Variants in ASIP observed in about 807,000 individuals in gnomAD.
ASIP encodes the protein agouti-signaling protein.
A neutral mutation model predicts 10.3 loss-of-function variants in ASIP; 11 were observed. That is an observed-to-expected ratio of 1.07 (90% CI 0.68 to 1.78). ASIP has a LOEUF of 1.78. Among genes scored for constraint, ASIP ranks in the 40% most tolerant of loss-of-function variants. The probability of loss-of-function intolerance (pLI) is 0.00; values close to 1 mark genes in which losing one functional copy is unlikely to be tolerated. For missense variants in ASIP, 180 were observed against 169.2 expected (o/e 1.06, Z -0.35); for synonymous variants, 70 against 70.8 (o/e 0.99, Z 0.06).
intron 1 of ASIP, among the ~76,000 whole-genome samples, chr20:34,242,324 C>T (rs1211527352): frequency 6.6e-6 from 1 of 152,164 alleles, no homozygotes; most frequent in Non-Finnish European, 1.5e-5. Flanking sequence ...CCTCTGCCTC[C>T]TGAGTTCAAA....
At chr20:34,204,307 G>A (rs1055581793) in intron 1 of ASIP, among the ~76,000 whole-genome samples, 9 of 150,590 alleles carry the variant, frequency 6.0e-5, no homozygotes, top group South Asian at 2.1e-4. Context: ...CGCAACCTCC[G>A]CCTCGTGGGT....
intron 1 of ASIP, among the ~76,000 whole-genome samples, chr20:34,225,856 T>A (rs1363922702): frequency 6.6e-6 from 1 of 152,160 alleles, no homozygotes; most frequent in Non-Finnish European, 1.5e-5. Context: ...AACCACTGAT[T>A]TTAAAATACT....
intron 3 of ASIP, among the ~76,000 whole-genome samples, chr20:34,267,207 C>T (rs140994788): frequency 6.6e-6 from 1 of 152,020 alleles, no homozygotes; most frequent in East Asian, 1.9e-4. Context: ...AACAGGTGAA[C>T]AGCAAGTAAA....
intron 1 of ASIP, chr20:34,213,984 C>A: frequency 1.7e-5 from 27 of 1,578,042 alleles, no homozygotes; most frequent in Non-Finnish European, 1.9e-5. Flanking sequence ...GAATTTTAAA[C>A]TTCTCCATTA....
intron 1 of ASIP, among the ~76,000 whole-genome samples, chr20:34,205,697 C>T (rs1474712012): frequency 3.4e-5 from 5 of 147,588 alleles, no homozygotes; most frequent in Non-Finnish European, 7.4e-5. Flanking sequence ...CTGATTTTGC[C>T]GTTTTACAGA....
intron 1 of ASIP, among the ~76,000 whole-genome samples, chr20:34,251,928 A>G (rs902692229): frequency 6.6e-6 from 1 of 152,230 alleles, no homozygotes; most frequent in Non-Finnish European, 1.5e-5. Context: ...CATGAGAAAT[A>G]AATTTCCGTT....
chr20:34,218,709 C>A (rs961798346), intron 1 of ASIP, among the ~76,000 whole-genome samples: 2 of 151,822 alleles, frequency 1.3e-5, no homozygotes, highest in Non-Finnish European at 2.9e-5. Context: ...TGAGACCAGG[C>A]TGGAGTGCAG....
chr20:34,211,586 AC>A, intron 1 of ASIP, among the ~76,000 whole-genome samples: 1 of 152,322 alleles, frequency 6.6e-6, no homozygotes. Context: ...ATATGGGTCT[AC>A]GGGTGACAAA....
At chr20:34,190,843 C>A (rs2034820561), upstream of ASIP, among the ~76,000 whole-genome samples, 1 of 152,172 alleles carries the variant, frequency 6.6e-6, no homozygotes, top group Non-Finnish European at 1.5e-5. Context: ...CTGAGCAATC[C>A]CAGTCCTGCA....
At chr20:34,213,582 T>TA in intron 1 of ASIP, 1 of 1,552,378 alleles carries the variant, frequency 6.4e-7, no homozygotes, top group Admixed American at 1.8e-5. Context: ...ACATCTGTTG[T>TA]AAAAACGGGG....
At chr20:34,196,169 A>ATTTCTTTTTTTT (rs2034854797) in intron 1 of ASIP, among the ~76,000 whole-genome samples, 1 of 113,008 alleles carries the variant, frequency 8.8e-6, no homozygotes, top group African/African-American at 4.3e-5. Flanking sequence ...GAAAAGGGAG[A>ATTTCTTTTTTTT]TTTCTTTTTT....
upstream of ASIP, among the ~76,000 whole-genome samples, chr20:34,241,287 T>C (rs2035280154): frequency 6.6e-6 from 1 of 152,230 alleles, no homozygotes; most frequent in African/African-American, 2.4e-5. Context: ...GCCTTTCAGC[T>C]GATGAAACAT....
At chr20:34,256,989 A>G (rs2122648108) in intron 1 of ASIP, among the ~76,000 whole-genome samples, 1 of 149,768 alleles carries the variant, frequency 6.7e-6, no homozygotes, top group South Asian at 2.1e-4. Context: ...ATTCCACCAC[A>G]TCTCCATCCT....
At chr20:34,195,659 A>G (rs950105868) in intron 1 of ASIP, among the ~76,000 whole-genome samples, 1 of 152,224 alleles carries the variant, frequency 6.6e-6, no homozygotes, top group African/African-American at 2.4e-5. Context: ...TTGCAGGTTG[A>G]AGGATTTGGT....
chr20:34,258,673 C>T (rs2035615553), intron 1 of ASIP, among the ~76,000 whole-genome samples: 1 of 4,602 alleles, frequency 2.2e-4, no homozygotes, highest in Non-Finnish European at 6.0e-4. Context: ...AAGGGGGATG[C>T]CATATATATA....
intron 1 of ASIP, among the ~76,000 whole-genome samples, chr20:34,209,947 A>C (rs1226466334): frequency 2.0e-5 from 3 of 152,148 alleles, no homozygotes; most frequent in Non-Finnish European, 4.4e-5. Flanking sequence ...TGGACCAATC[A>C]GTGTGCACTT....
chr20:34,217,093 C>G (rs1182604482), intron 1 of ASIP, among the ~76,000 whole-genome samples: 3 of 152,170 alleles, frequency 2.0e-5, no homozygotes, highest in African/African-American at 7.2e-5. Context: ...GAGCTGATCT[C>G]TTTCCAATTT....
chr20:34,255,985 C>A (rs917729423), intron 1 of ASIP, among the ~76,000 whole-genome samples: 1 of 152,252 alleles, frequency 6.6e-6, no homozygotes, highest in Non-Finnish European at 1.5e-5. Context: ...CCTCCAGAGG[C>A]CTGACCATCT....
At chr20:34,192,565 A>C (rs1370702966), upstream of ASIP, among the ~76,000 whole-genome samples, 1 of 150,888 alleles carries the variant, frequency 6.6e-6, no homozygotes, top group Non-Finnish European at 1.5e-5. Flanking sequence ...GATCTCCAGA[A>C]CAAAAAGCCC....
Sources: gnomAD v4.1 joint callset for allele counts (sites outside exome capture counted in the v4.1 genomes callset) on GRCh38, gnomAD v4.1.1 for gene constraint, MANE v1.5 for transcripts, NCBI Gene and HGNC (gene_info 2026-07-23, HGNC 2026-07-21) for gene names.